CDH7: variants seen among roughly 807,000 people sequenced by gnomAD.
CDH7 encodes the protein cadherin 7.
A neutral mutation model predicts 71.8 loss-of-function variants in CDH7; 25 were observed. That is an observed-to-expected ratio of 0.35 (90% CI 0.25 to 0.49). The LOEUF is 0.49. Ranked by LOEUF, CDH7 falls within the 20% of genes least tolerant of loss-of-function variation. CDH7 has a pLI of 0.99. For missense variants in CDH7, 862 were observed against 974.6 expected (o/e 0.88, Z 1.54); for synonymous variants, 381 against 363.8 (o/e 1.05, Z -0.54).
intron 7 of CDH7, among the ~76,000 whole-genome samples, chr18:65,847,473 G>A (rs1035699826): frequency 2.6e-5 from 4 of 152,036 alleles, no homozygotes; most frequent in African/African-American, 9.7e-5. Context: ...GATATATGAG[G>A]CAATAAATTA....
chr18:65,841,090 A>G (rs1599042847), intron 6 of CDH7, among the ~76,000 whole-genome samples: 1 of 152,290 alleles, frequency 6.6e-6, no homozygotes, highest in East Asian at 1.9e-4. Context: ...TACTCTGAAA[A>G]TAATTTTGTG....
intron 2 of CDH7, among the ~76,000 whole-genome samples, chr18:65,781,833 T>TC: frequency 1.1e-5 from 1 of 89,094 alleles, no homozygotes; most frequent in African/African-American, 7.9e-5. Context: ...TTTCTTTCTT[T>TC]CTTTCTTTCT....
intron 6 of CDH7, among the ~76,000 whole-genome samples, chr18:65,838,434 A>G (rs188967887): frequency 7.9e-5 from 12 of 152,350 alleles, no homozygotes; most frequent in African/African-American, 1.4e-4. Context: ...GAAGACAGTC[A>G]TAGAACTTTT....
At chr18:65,787,460 A>G (rs1413592814) in intron 2 of CDH7, among the ~76,000 whole-genome samples, 1 of 152,170 alleles carries the variant, frequency 6.6e-6, no homozygotes, top group African/African-American at 2.4e-5. Flanking sequence ...GCGTTTACCT[A>G]CTAGCAGGAG....
chr18:65,807,891 C>G (rs1406489097), intron 2 of CDH7, among the ~76,000 whole-genome samples: 1 of 152,168 alleles, frequency 6.6e-6, no homozygotes, highest in Non-Finnish European at 1.5e-5. Context: ...TCCCTTCTTT[C>G]CTCAAGTTCC....
At chr18:65,828,709 A>G (rs1452464686) in intron 6 of CDH7, among the ~76,000 whole-genome samples, 2 of 152,040 alleles carry the variant, frequency 1.3e-5, no homozygotes, top group African/African-American at 2.4e-5. Flanking sequence ...GGTCAATTGT[A>G]TATTCATCTC....
Position 65,888,428 on chromosome 18 carries a change from T to G in CDH7, c.*7534T>G, listed in dbSNP as rs181635877. 1 of 152,276 alleles carries G rather than the reference T, an allele frequency of 6.6e-6. No individual in the cohort carries two copies. Among genetic ancestry groups the G allele is most frequent in the African/African-American group, 2.4e-5 (1 of 41,564 alleles). 9.4% of individuals were successfully genotyped at this position (152,276 alleles called of 1,614,324 possible). ...CCTCAAAAGACCTGACACACTACAA[T>G]GAAGACTTCTGTTGTCATCATTCTC... is the stretch of plus-strand genomic sequence containing the variant. On this transcript the variant is annotated 3_prime_UTR_variant, in exon 12 of 12. Coordinates refer to ENST00000397968, the MANE Select transcript of CDH7 (RefSeq NM_004361.5).
chr18:65,819,554 T>A lies in CDH7; in HGVS notation c.626-2527T>A, dbSNP rs537175615. 1.2e-4 allele frequency among the ~76,000 whole-genome samples: 18 copies of A among 152,248 alleles called. No homozygotes were observed. In the East Asian group the frequency reaches 2.5e-3, roughly 21 times the overall value. On this transcript the variant is annotated intron_variant, in intron 4 of 11. Coordinates refer to ENST00000397968, the MANE Select transcript of CDH7 (RefSeq NM_004361.5). ...TGTAAGGAAACCAGTATCTTTAATG[T>A]CTCATTGTATGGTTTTAGAATTCTT...
intron 7 of CDH7, among the ~76,000 whole-genome samples, chr18:65,845,796 G>A (rs2143996882): frequency 6.6e-6 from 1 of 152,148 alleles, no homozygotes; most frequent in East Asian, 1.9e-4. Flanking sequence ...GGTGACAAAT[G>A]CCTGTAGTTC....
chr18:65,786,531 T>C (rs932537576), intron 2 of CDH7, among the ~76,000 whole-genome samples: 1 of 152,144 alleles, frequency 6.6e-6, no homozygotes, highest in African/African-American at 2.4e-5. Context: ...GTACTGATAA[T>C]GTTTAATTGA....
rs1914204532 is a variant in CDH7 at position 65,880,771 on chromosome 18, C to T, written c.2235C>T (p.Leu745=). 1 of 1,614,026 alleles carries T rather than the reference C, an allele frequency of 6.2e-7. No homozygotes were observed. Among genetic ancestry groups the T allele is most frequent in the Non-Finnish European group, 8.5e-7 (1 of 1,180,020 alleles). The part of the protein sequence containing the change: ...FEGNGSVAES[L]SSLDSISSNS... ...GAAATGGCTCAGTTGCTGAATCACT[C>T]AGCTCTTTAGATTCCATCAGCTCAA... The change falls in exon 12 of 12, where the codon CTC becomes CTT. Residue 745 remains leucine (L), a synonymous_variant. Transcript: ENST00000397968.
intron 11 of CDH7, among the ~76,000 whole-genome samples, chr18:65,875,547 G>T (rs1251050076): frequency 1.3e-5 from 2 of 152,106 alleles, no homozygotes; most frequent in Non-Finnish European, 2.9e-5. Context: ...TCTTGGTTTT[G>T]GGAGAATGAT....
At chr18:65,844,507 A>G (rs1306306095) in intron 7 of CDH7, among the ~76,000 whole-genome samples, 1 of 152,056 alleles carries the variant, frequency 6.6e-6, no homozygotes, top group Non-Finnish European at 1.5e-5. Flanking sequence ...TGAACAGTAT[A>G]TATTTGTTCA....
chr18:65,805,360 C>T (rs116603859), intron 2 of CDH7, among the ~76,000 whole-genome samples: 257 of 152,232 alleles, frequency 1.7e-3, no homozygotes, highest in African/African-American at 5.7e-3. Context: ...AGAACTAGTC[C>T]AGCATGCTTG....
chr18:65,846,521 T>G (rs1912940443), intron 7 of CDH7, among the ~76,000 whole-genome samples: 1 of 152,222 alleles, frequency 6.6e-6, no homozygotes. Flanking sequence ...CTTACATACT[T>G]GAAAGTTTTT....
intron 2 of CDH7, among the ~76,000 whole-genome samples, chr18:65,766,124 C>T (rs1203440145): frequency 1.3e-5 from 2 of 152,038 alleles, no homozygotes; most frequent in South Asian, 2.1e-4. Context: ...ATAGGAATGT[C>T]TATTTTGGGG....
intron 6 of CDH7, among the ~76,000 whole-genome samples, chr18:65,832,790 C>T (rs1912397160): frequency 6.6e-6 from 1 of 151,864 alleles, no homozygotes; most frequent in Non-Finnish European, 1.5e-5. Context: ...AAATTAGGCA[C>T]TTTAGTCTTT....
rs1168292937 is a variant in CDH7 at position 65,887,781 on chromosome 18, T to C, written c.*6887T>C. 6.6e-6 allele frequency: 1 copy of C among 152,164 alleles called. No homozygotes were observed. Among genetic ancestry groups the C allele is most frequent in the Non-Finnish European group, 1.5e-5 (1 of 68,014 alleles). The allele number at this position is 152,164 out of a possible 1,614,324, so 9.4% of individuals were successfully genotyped here. ...AGCATACTGAGGGAGAATTGCACAT[T>C]TGTAAAGTTTCTCTTTAGTAGAGAT... On this transcript the variant is annotated 3_prime_UTR_variant, in exon 12 of 12. Coordinates refer to ENST00000397968, the MANE Select transcript of CDH7 (RefSeq NM_004361.5).
chr18:65,821,085 T>C (rs1275599724), intron 4 of CDH7, among the ~76,000 whole-genome samples: 2 of 151,482 alleles, frequency 1.3e-5, no homozygotes, highest in Non-Finnish European at 2.9e-5. Flanking sequence ...AAAAATGGGG[T>C]TACAGAAATA....
Sources: gnomAD v4.1 joint callset for allele counts (sites outside exome capture counted in the v4.1 genomes callset) on GRCh38, gnomAD v4.1.1 for gene constraint, MANE v1.5 for transcripts, NCBI Gene and HGNC (gene_info 2026-07-23, HGNC 2026-07-21) for gene names.